Variants in CFAP70 observed in about 807,000 individuals in gnomAD.
CFAP70 encodes the protein cilia- and flagella-associated protein 70.
CFAP70 carries 81 observed loss-of-function variants against 137.6 expected under a neutral mutation model. The ratio of observed to expected loss-of-function variants is 0.59; its 90% CI spans 0.49 to 0.71. The LOEUF (loss-of-function observed/expected upper bound fraction) is 0.71. CFAP70 is among the 30% of genes least tolerant of loss of function. The pLI, the probability that CFAP70 is intolerant of heterozygous loss-of-function variation, is 0.00. For missense variants in CFAP70, 976 were observed against 1,226.7 expected (o/e 0.80, Z 3.05); for synonymous variants, 382 against 423.6 (o/e 0.90, Z 1.20).
chr10:73,352,329 T>A (rs1481012609), intron 3 of CFAP70, among the ~76,000 whole-genome samples: 1 of 152,176 alleles, frequency 6.6e-6, no homozygotes, highest in South Asian at 2.1e-4. Context: ...GGCTCTCCAC[T>A]CAGCTTGATT....
At chr10:73,273,841 C>T (rs2046492211) in intron 23 of CFAP70, among the ~76,000 whole-genome samples, 1 of 152,106 alleles carries the variant, frequency 6.6e-6, no homozygotes, top group African/African-American at 2.4e-5. Flanking sequence ...AGTCAAAAGG[C>T]CTTTGGCAGA....
chr10:73,260,611 A>G (rs1357331413), intron 25 of CFAP70, among the ~76,000 whole-genome samples: 1 of 152,156 alleles, frequency 6.6e-6, no homozygotes, highest in Non-Finnish European at 1.5e-5. Flanking sequence ...TTACTCCAAA[A>G]AGTTCTTTCA....
chr10:73,301,821 G>C (rs1477207558), intron 12 of CFAP70, among the ~76,000 whole-genome samples: 1 of 152,122 alleles, frequency 6.6e-6, no homozygotes, highest in African/African-American at 2.4e-5. Flanking sequence ...CAAAGCTTGA[G>C]GGAGGCACAG....
intron 3 of CFAP70, 43 bp downstream of exon 3, chr10:73,353,513 G>A (rs1589610681): frequency 1.3e-6 from 2 of 1,562,026 alleles, no homozygotes; most frequent in Non-Finnish European, 1.8e-6. Flanking sequence ...TGATAGGGAA[G>A]AAGGCAATCG....
At chr10:73,257,264 A>G (rs1220530038) in intron 25 of CFAP70, among the ~76,000 whole-genome samples, 4 of 152,198 alleles carry the variant, frequency 2.6e-5, no homozygotes, top group Non-Finnish European at 5.9e-5. Context: ...TCCAGAGTCC[A>G]AGTTTTTAAC....
intron 9 of CFAP70, among the ~76,000 whole-genome samples, chr10:73,314,575 G>A (rs2050180622): frequency 6.6e-6 from 1 of 152,010 alleles, no homozygotes; most frequent in Admixed American, 6.6e-5. Context: ...TATAGCATGT[G>A]TCAGTTGGTT....
chr10:73,313,688 C>CA (rs1290448454), intron 9 of CFAP70, among the ~76,000 whole-genome samples: 1 of 151,636 alleles, frequency 6.6e-6, no homozygotes, highest in African/African-American at 2.4e-5. Flanking sequence ...ACTAAAAATA[C>CA]AAAAATTAGC....
chr10:73,325,644 C>A (rs1191559465), intron 8 of CFAP70, among the ~76,000 whole-genome samples: 1 of 152,072 alleles, frequency 6.6e-6, no homozygotes, highest in Non-Finnish European at 1.5e-5. Context: ...GGAGGAAGAT[C>A]TACCAAGCAA....
intron 4 of CFAP70, chr10:73,348,212 C>G: frequency 6.2e-7 from 1 of 1,614,182 alleles, no homozygotes. Context: ...TGCAATGGAA[C>G]TGTTGTTTGA....
intron 19 of CFAP70, among the ~76,000 whole-genome samples, chr10:73,289,276 A>G (rs764178403): frequency 6.6e-6 from 1 of 151,718 alleles, no homozygotes; most frequent in African/African-American, 2.4e-5. Context: ...ATAATTAATT[A>G]ATTTATTTAT....
intron 1 of CFAP70, among the ~76,000 whole-genome samples, chr10:73,358,359 T>A (rs1022439631): frequency 6.6e-6 from 1 of 152,216 alleles, no homozygotes; most frequent in African/African-American, 2.4e-5. Flanking sequence ...TTTCTTGTCA[T>A]CTGCTCGGAA....
intron 5 of CFAP70, 45 bp downstream of exon 6, chr10:73,345,020 C>T: frequency 1.3e-6 from 2 of 1,540,764 alleles, no homozygotes; most frequent in Non-Finnish European, 1.8e-6. Context: ...CATATGAGTA[C>T]AGACATGTTT....
At chr10:73,284,193 C>T (rs1255372667) in intron 19 of CFAP70, among the ~76,000 whole-genome samples, 2 of 152,150 alleles carry the variant, frequency 1.3e-5, no homozygotes, top group South Asian at 2.1e-4. Context: ...ACCTATATAC[C>T]TTGGTTTGTA....
At chr10:73,315,234 A>C (rs1476882563) in intron 9 of CFAP70, among the ~76,000 whole-genome samples, 3 of 150,418 alleles carry the variant, frequency 2.0e-5, no homozygotes, top group African/African-American at 7.5e-5. Context: ...AAAAAAAAAA[A>C]AACAGCTTTA....
chr10:73,352,280 G>A (rs539456514), intron 3 of CFAP70, among the ~76,000 whole-genome samples: 127 of 152,312 alleles, frequency 8.3e-4, no homozygotes, highest in Non-Finnish European at 1.0e-3. Context: ...TAGGGTAATG[G>A]AGAACCTCAT....
intron 25 of CFAP70, among the ~76,000 whole-genome samples, chr10:73,263,667 G>T (rs1337630133): frequency 6.6e-6 from 1 of 152,136 alleles, no homozygotes; most frequent in Non-Finnish European, 1.5e-5. Context: ...CAATACTTGT[G>T]ATGTTAACTT....
exon 14 of CFAP70, chr10:73,299,004 C>G (rs1436590873): frequency 1.2e-6 from 2 of 1,613,936 alleles, no homozygotes; most frequent in Non-Finnish European, 1.7e-6. Context: ...ATCCATATCA[C>G]TCTCCAGTTT....
chr10:73,342,685 G>A (rs185764825), intron 5 of CFAP70, among the ~76,000 whole-genome samples: 3 of 152,190 alleles, frequency 2.0e-5, no homozygotes, highest in Admixed American at 1.3e-4. Flanking sequence ...GTACAACAGA[G>A]CCTTCATCAG....
intron 12 of CFAP70, among the ~76,000 whole-genome samples, chr10:73,308,623 C>T (rs1289603226): frequency 3.0e-5 from 4 of 133,718 alleles, no homozygotes; most frequent in Admixed American, 2.3e-4. Flanking sequence ...AGTGAAACTC[C>T]GTCTCAAAAA....
Sources: allele counts gnomAD v4.1 joint callset (sites outside exome capture counted in the v4.1 genomes callset), GRCh38; gene constraint gnomAD v4.1.1; transcripts MANE v1.5; gene names NCBI Gene and HGNC (gene_info 2026-07-23, HGNC 2026-07-21).